The following ATG3 variants were observed in gnomAD, a reference collection of about 807,000 sequenced individuals.
The protein encoded by ATG3 is autophagy related 3.
In ATG3, 25 loss-of-function variants were observed where a neutral mutation model predicts 50.7. The observed-to-expected ratio is 0.49, with a 90% CI of 0.36 to 0.69. The LOEUF (loss-of-function observed/expected upper bound fraction) is 0.69. Among genes scored for constraint, ATG3 ranks in the 30% least tolerant of loss-of-function variants. The probability of loss-of-function intolerance (pLI) is 0.00; values close to 1 mark genes in which losing one functional copy is unlikely to be tolerated. For synonymous variants in ATG3, 119 were observed against 125.5 expected (o/e 0.95, Z 0.34); for missense variants, 281 against 376.0 (o/e 0.75, Z 2.09).
At chr3:112,552,404 TG>T (rs1218256704) in intron 3 of ATG3, among the ~76,000 whole-genome samples, 5 of 151,868 alleles carry the variant, frequency 3.3e-5, no homozygotes, top group East Asian at 1.9e-4. Context: ...TAAAAGGTAT[TG>T]AAAAAAAATA....
At chr3:112,544,161 T>C in intron 5 of ATG3, 55 bp from the exon 6 acceptor site, 1 of 1,391,456 alleles carries the variant, frequency 7.2e-7, no homozygotes, top group Non-Finnish European at 1.0e-6. Flanking sequence ...AACACCCTAT[T>C]TACTTATTAA....
intron 6 of ATG3, 34 bp downstream of exon 6, chr3:112,544,023 A>G (rs1474484786): frequency 6.0e-6 from 9 of 1,499,660 alleles, no homozygotes; most frequent in Non-Finnish European, 7.4e-6. Flanking sequence ...ATAACTACTC[A>G]TTAAATTTAA....
chr3:112,539,449 A>C (rs1166063889), intron 7 of ATG3, among the ~76,000 whole-genome samples: 1 of 152,094 alleles, frequency 6.6e-6, no homozygotes, highest in Non-Finnish European at 1.5e-5. Flanking sequence ...AGTTTCATTC[A>C]CTTCCTTCCA....
At chr3:112,553,048 C>T (rs1933570532) in intron 3 of ATG3, among the ~76,000 whole-genome samples, 1 of 152,146 alleles carries the variant, frequency 6.6e-6, no homozygotes, top group Non-Finnish European at 1.5e-5. Context: ...GAAGTAAATG[C>T]ATTTTTCTCA....
intron 2 of ATG3, among the ~76,000 whole-genome samples, chr3:112,556,431 G>A (rs1251042988): frequency 7.9e-5 from 12 of 151,486 alleles, no homozygotes; most frequent in African/African-American, 2.2e-4. Flanking sequence ...CCGGCCAGCC[G>A]CCCCGTCCGG....
chr3:112,532,898 AAATT>A, intron 11 of ATG3, 118 bp from the exon 12 acceptor site: 1 of 1,322,960 alleles, frequency 7.6e-7, no homozygotes, highest in East Asian at 2.9e-5. Context: ...ACAAAATCTT[AAATT>A]AAGTCTATTA....
chr3:112,536,838 G>A lies in ATG3; in HGVS notation c.667-236C>T, dbSNP rs994583371. 5.6e-5 allele frequency: 14 copies of A among 248,398 alleles called. 1 individual carries two copies. The highest frequency in any genetic ancestry group is 4.5e-4 in the East Asian group (5 of 11,222). The allele number at this position is 248,398 out of a possible 1,614,324, so 15.4% of individuals were successfully genotyped here. On this transcript the variant is annotated intron_variant, in intron 9 of 11. Coordinates refer to ENST00000283290, the MANE Select transcript of ATG3 (RefSeq NM_022488.5). ...CAGGAGGCTGAGGCAGGAGAATGGC[G>A]TAAACCCGGGAGGCAGAGCTTGCAA...
intron 1 of ATG3, 145 bp downstream of exon 1, chr3:112,561,312 G>C (rs752039276): frequency 2.5e-6 from 2 of 789,492 alleles, no homozygotes; most frequent in Admixed American, 2.4e-5. Context: ...GACTACGGGT[G>C]GGGGCTGCAC....
intron 9 of ATG3, 28 bp from the exon 10 acceptor site, chr3:112,536,630 T>C: frequency 6.2e-7 from 1 of 1,612,570 alleles, no homozygotes; most frequent in Middle Eastern, 1.7e-4. Flanking sequence ...GCTTTGAAAT[T>C]ACTATTTAAG....
At chr3:112,556,160 T>C (rs1283583480) in intron 2 of ATG3, among the ~76,000 whole-genome samples, 1 of 152,230 alleles carries the variant, frequency 6.6e-6, no homozygotes, top group Non-Finnish European at 1.5e-5. Flanking sequence ...TAAGGCAGAA[T>C]AGGATCTTTA....
At chr3:112,548,691 TAAATCCATTA>T in intron 4 of ATG3, 51 bp from the exon 5 acceptor site, 1 of 1,456,090 alleles carries the variant, frequency 6.9e-7, no homozygotes, top group Admixed American at 1.7e-5. Context: ...CTGCTAACCA[TAAATCCATTA>T]GAAAGAAGAG....
At position 112,532,699 on chromosome 3, in the gene ATG3, T is replaced by C. The variant is rs747986819; in HGVS notation, c.945A>G (p.Ter315=). Residue 315 remains the stop codon, a stop_retained_variant, in exon 12 of 12, where the codon TAA becomes TAG. Transcript: ENST00000283290. ...TAGGATAGATTTTATGCTCTCTTCA[T>C]TACATTGTGAAGTGTCTTGTGTAGT... ...EYDYTRHFTM[*] is the part of the protein sequence containing the mutation. 1.1e-5 allele frequency: 17 copies of C among 1,577,542 alleles called. No individual in the cohort carries two copies. Among genetic ancestry groups the C allele is most frequent in the Non-Finnish European group, 1.5e-5 (17 of 1,160,944 alleles).
In ATG3 at chr3:112,536,726, C is replaced by G. The variant is rs1466695719; in HGVS notation, c.667-124G>C. On this transcript the variant is annotated intron_variant, in intron 9 of 11. Coordinates refer to ENST00000283290, the MANE Select transcript of ATG3 (RefSeq NM_022488.5). The stretch of plus-strand genomic sequence containing the variant: ...CACATGGTCAGGAGATCGAGACCAT[C>G]CTGGCTAACATGGTGAAACACCGTC... 1.9e-5 allele frequency: 18 copies of G among 967,548 alleles called. No homozygotes were observed. In the Admixed American group the frequency reaches 4.3e-4, roughly 23 times the overall value. The allele number at this position is 967,548 out of a possible 1,614,324, so 59.9% of individuals were successfully genotyped here. A position where few individuals can be genotyped will look rare whatever the true frequency, so the allele number is the denominator to read the frequency against.
chr3:112,544,131 A>G (rs1418879192), intron 5 of ATG3, 25 bp from the exon 6 acceptor site: 25 of 1,563,696 alleles, frequency 1.6e-5, no homozygotes, highest in Admixed American at 5.1e-5. Context: ...GCAGAAAAGA[A>G]TAACTAAAAT....
intron 3 of ATG3, among the ~76,000 whole-genome samples, chr3:112,550,530 T>C (rs1933500058): frequency 6.6e-6 from 1 of 152,198 alleles, no homozygotes; most frequent in Middle Eastern, 3.2e-3. Context: ...TAGAATAATA[T>C]AGAACTATTA....
In ATG3 at chr3:112,532,548, T is replaced by C. The variant is rs2082563612; in HGVS notation, c.*151A>G. ...ATTTTTATTAAACAAGTAAGGCTGG[T>C]AGTGGAACATATTTTTATTTAATGC... is the stretch of plus-strand genomic sequence containing the variant. On this transcript the variant is annotated 3_prime_UTR_variant, in exon 12 of 12. Transcript: ENST00000283290. 1 of 461,850 alleles carries C rather than the reference T, an allele frequency of 2.2e-6. No individual in the cohort carries two copies. Among genetic ancestry groups the C allele is most frequent in the South Asian group, 6.9e-5 (1 of 14,554 alleles). The allele number at this position is 461,850 out of a possible 1,614,324, so 28.6% of individuals were successfully genotyped here.
intron 7 of ATG3, among the ~76,000 whole-genome samples, chr3:112,539,566 TTTA>T (rs1170993733): frequency 6.6e-6 from 1 of 152,188 alleles, no homozygotes; most frequent in Admixed American, 6.5e-5. Flanking sequence ...CCTTTCTTCC[TTTA>T]TTTTTTCCTT....
intron 9 of ATG3, chr3:112,537,512 T>C (rs919161385): frequency 1.4e-5 from 5 of 358,284 alleles, no homozygotes; most frequent in Non-Finnish European, 2.4e-5. Context: ...GAATATGTAA[T>C]AGATTATTTC....
intron 10 of ATG3, chr3:112,535,784 A>G (rs545598251): frequency 6.6e-6 from 1 of 152,346 alleles, no homozygotes; most frequent in Non-Finnish European, 1.5e-5. Flanking sequence ...AAATATTGTT[A>G]CTAGTATGTT....
Sources: allele counts gnomAD v4.1 joint callset (sites outside exome capture counted in the v4.1 genomes callset), GRCh38; gene constraint gnomAD v4.1.1; transcripts MANE v1.5; gene names NCBI Gene and HGNC (gene_info 2026-07-23, HGNC 2026-07-21).